Variants in MED12L observed in about 807,000 individuals in gnomAD.
The protein encoded by MED12L is mediator of RNA polymerase II transcription subunit 12-like protein.
A neutral mutation model predicts 281.3 loss-of-function variants in MED12L; 60 were observed. The ratio of observed to expected loss-of-function variants is 0.21; its 90% CI spans 0.17 to 0.26. The LOEUF is 0.26. Among genes scored for constraint, MED12L ranks in the 10% least tolerant of loss-of-function variants. The pLI is 1.00. For missense variants in MED12L, 2,146 were observed against 2,680.9 expected (o/e 0.80, Z 4.41); for synonymous variants, 974 against 987.2 (o/e 0.99, Z 0.25).
intron 16 of MED12L, among the ~76,000 whole-genome samples, chr3:151,246,368 C>G (rs1735473342): frequency 6.6e-6 from 1 of 152,142 alleles, no homozygotes. Context: ...TGACTTCAAA[C>G]TATACTACAA....
At chr3:151,163,871 A>T in intron 8 of MED12L, 22 bp from the exon 9 acceptor site, 1 of 1,606,080 alleles carries the variant, frequency 6.2e-7, no homozygotes, top group Non-Finnish European at 8.5e-7. Flanking sequence ...TGAACATCCA[A>T]CTTTATCTGT....
Position 151,411,289 on chromosome 3 carries a change from G to T in MED12L, c.5922G>T (p.Gln1974His). The T allele has an allele frequency of 6.2e-7, 1 of 1,614,190 alleles. No individual in the cohort carries two copies. Among genetic ancestry groups the T allele is most frequent in the Non-Finnish European group, 8.5e-7 (1 of 1,180,016 alleles). ...PGLQQAQTMP[Q>H]GYTMYGTQMP... ...GTGCCTACCTGCAGACCATGCCACA[G>T]GGCTATACAATGTATGGGACACAGA... Residue 1974 changes from glutamine (Q) to histidine (H), a missense_variant, in exon 41 of 45, where the codon CAG becomes CAT. Transcript: ENST00000687756.
chr3:151,330,041 G>A (rs1243599910), intron 16 of MED12L, among the ~76,000 whole-genome samples: 1 of 152,132 alleles, frequency 6.6e-6, no homozygotes, highest in Non-Finnish European at 1.5e-5. Context: ...AAGACTATTA[G>A]ATCCAGATTT....
In MED12L at chr3:151,413,212, C is replaced by T; in HGVS notation, c.6214C>T (p.Pro2072Ser). 1.2e-6 allele frequency: 2 copies of T among 1,614,206 alleles called. No individual in the cohort carries two copies. Among genetic ancestry groups the T allele is most frequent in the Non-Finnish European group, 8.5e-7 (1 of 1,180,034 alleles). ...TGATGCTGTGCTGACTTCTGCACAT[C>T]CAAACCTTCCCTCCGTGCCCCTGCC... ...GIDAVLTSAHPNLPSVPLPQD... is the reference protein window; with the variant it reads ...GIDAVLTSAHSNLPSVPLPQD... The change falls in exon 42 of 45, where the codon CCA becomes TCA. Residue 2072 changes from proline to serine, a missense_variant. By Grantham distance (74) the Pro-to-Ser change is moderately conservative (BLOSUM62 -1). Around this residue, in one of 9 missense-constraint regions of MED12L, gnomAD observed 496 missense variants for 512.0 expected, o/e 0.97. Coordinates refer to ENST00000687756, the MANE Select transcript of MED12L (RefSeq NM_001393769.1).
chr3:151,374,575 T>G (rs1262895123), intron 27 of MED12L, among the ~76,000 whole-genome samples: 8 of 140,214 alleles, frequency 5.7e-5, no homozygotes, highest in Non-Finnish European at 1.3e-4. Context: ...AAGAAAGAAA[T>G]GTTACACACA....
intron 16 of MED12L, chr3:151,269,785 G>T: frequency 2.4e-6 from 1 of 420,026 alleles, no homozygotes; most frequent in South Asian, 1.8e-5. Flanking sequence ...AGAGTCCACT[G>T]AAGTCAAATG....
intron 8 of MED12L, among the ~76,000 whole-genome samples, chr3:151,160,410 C>T (rs568651024): frequency 6.6e-6 from 1 of 152,318 alleles, no homozygotes; most frequent in South Asian, 2.1e-4. Context: ...TCTGGAAAGA[C>T]AGCTTCTCCA....
At chr3:151,218,696 G>C (rs1245870352) in intron 16 of MED12L, among the ~76,000 whole-genome samples, 2 of 151,452 alleles carry the variant, frequency 1.3e-5, no homozygotes, top group Non-Finnish European at 2.9e-5. Flanking sequence ...ATGAAACCCT[G>C]CCTCTACTAA....
intron 2 of MED12L, among the ~76,000 whole-genome samples, chr3:151,088,582 G>T (rs1402515230): frequency 6.6e-6 from 1 of 152,170 alleles, no homozygotes; most frequent in Non-Finnish European, 1.5e-5. Flanking sequence ...TTGGGGTGCT[G>T]TGTGGGCTTA....
chr3:151,356,160 G>A lies in MED12L; in HGVS notation c.2661+121G>A, dbSNP rs994966422. 10 of 994,984 alleles carry A rather than the reference G, an allele frequency of 1.0e-5. 1 individual carries two copies. The highest frequency in any genetic ancestry group is 5.4e-5 in the East Asian group (2 of 37,194). 61.6% of individuals were successfully genotyped at this position (994,984 alleles called of 1,614,324 possible). On this transcript the variant is annotated intron_variant, in intron 19 of 44. Coordinates refer to ENST00000687756, the MANE Select transcript of MED12L (RefSeq NM_001393769.1). ...TGTGCTTGTAATCCTGGCACTTTGG[G>A]AGGCCGAGGTAGGAGGATTGCTTGA...
chr3:151,113,768 G>A (rs1035535488), intron 2 of MED12L, among the ~76,000 whole-genome samples: 1 of 152,162 alleles, frequency 6.6e-6, no homozygotes, highest in South Asian at 2.1e-4. Context: ...TTCCTTCTGG[G>A]GATTCTGAGT....
At chr3:151,322,177 T>A (rs1749071953) in intron 16 of MED12L, among the ~76,000 whole-genome samples, 1 of 152,114 alleles carries the variant, frequency 6.6e-6, no homozygotes, top group Non-Finnish European at 1.5e-5. Flanking sequence ...ATATAAAAGC[T>A]GATTTGTTTC....
At chr3:151,163,754 G>T in intron 8 of MED12L, 139 bp from the exon 9 acceptor site, 1 of 776,130 alleles carries the variant, frequency 1.3e-6, no homozygotes, top group Non-Finnish European at 2.0e-6. Flanking sequence ...GTTGAGAATG[G>T]GGTAAGACAC....
intron 5 of MED12L, among the ~76,000 whole-genome samples, chr3:151,135,892 T>G (rs1266709045): frequency 1.3e-5 from 2 of 152,182 alleles, no homozygotes; most frequent in African/African-American, 2.4e-5. Flanking sequence ...GCAGCCTTAA[T>G]TCTGCCTAGG....
intron 20 of MED12L, 51 bp from the exon 21 acceptor site, chr3:151,360,402 TCTAAAAGAGTCAAATGATAAC>T (rs1201242135): frequency 7.1e-7 from 1 of 1,408,688 alleles, no homozygotes; most frequent in African/African-American, 1.4e-5. Context: ...ATATTTTCAT[TCTAAAAGAGTCAAATGATAAC>T]CCACATAGTA....
intron 16 of MED12L, among the ~76,000 whole-genome samples, chr3:151,244,742 G>A (rs1035845157): frequency 4.6e-5 from 7 of 151,826 alleles, no homozygotes; most frequent in South Asian, 2.1e-4. Flanking sequence ...TCAAAAGCTA[G>A]CAGAAGGCAA....
chr3:151,387,987 C>G lies in MED12L; in HGVS notation c.5266C>G (p.Arg1756Gly), dbSNP rs753778373. ...TCACACACACCCCATGCCCAAGCCC[C>G]GCAGTTACTACCTCCAGCCACTGCC... ...LYHTHPMPKP[R>G]SYYLQPLPLP... Residue 1756 changes from arginine to glycine, a missense_variant, in exon 37 of 45, where the codon CGC (arginine) becomes GGC (glycine). By Grantham distance (125) the Arg-to-Gly change is moderately radical. Transcript: ENST00000687756. 30 of 1,613,888 alleles carry G rather than the reference C, an allele frequency of 1.9e-5. No homozygotes were observed. The highest frequency in any genetic ancestry group is 2.5e-5 in the Non-Finnish European group (29 of 1,180,000).
chr3:151,213,660 C>G (rs1229816745), intron 16 of MED12L: 3 of 1,614,162 alleles, frequency 1.9e-6, no homozygotes, highest in Non-Finnish European at 2.5e-6. Context: ...TCCGACTTGA[C>G]TTAAGGTGGG....
At chr3:151,349,907 T>C in intron 16 of MED12L, 152 bp from the exon 17 acceptor site, 1 of 530,032 alleles carries the variant, frequency 1.9e-6, no homozygotes. Flanking sequence ...AACAAGGGTG[T>C]TGCCAGTGGA....
Sources: gnomAD v4.1 joint callset for allele counts (sites outside exome capture counted in the v4.1 genomes callset) on GRCh38, gnomAD v4.1.1 for gene constraint, gnomAD v4.1.1 regional missense constraint, MANE v1.5 for transcripts, NCBI Gene and HGNC (gene_info 2026-07-23, HGNC 2026-07-21) for gene names.